HOXC6: variants seen among roughly 807,000 people sequenced by gnomAD.
The protein encoded by HOXC6 is homeobox protein Hox-C6.
Under a neutral mutation model 24.0 loss-of-function variants are expected in HOXC6, and 10 were observed. The observed-to-expected ratio is 0.42, with a 90% CI of 0.26 to 0.71. The LOEUF (loss-of-function observed/expected upper bound fraction) is 0.71. Ranked by LOEUF, HOXC6 falls within the 30% of genes least tolerant of loss-of-function variation. The pLI is 0.28. For synonymous variants in HOXC6, 123 were observed against 128.1 expected, an observed-to-expected ratio of 0.96 and a Z score of 0.27; for missense variants, 258 against 303.4, an observed-to-expected ratio of 0.85 and a Z score of 1.11.
intron 1 of HOXC6, among the ~76,000 whole-genome samples, chr12:54,018,000 G>T (rs112142167): frequency 2.6e-5 from 4 of 152,226 alleles, no homozygotes; most frequent in Non-Finnish European, 5.9e-5. Flanking sequence ...GGCGCAGCTA[G>T]GCGGCCGGCG....
At chr12:54,023,063 C>T (rs1236604601) in intron 1 of HOXC6, among the ~76,000 whole-genome samples, 1 of 152,170 alleles carries the variant, frequency 6.6e-6, no homozygotes, top group South Asian at 2.1e-4. Context: ...CCTCAAGTGT[C>T]CCTAGGCATC....
chr12:54,017,934 C>T (rs1369573220), intron 1 of HOXC6, among the ~76,000 whole-genome samples: 2 of 152,156 alleles, frequency 1.3e-5, no homozygotes, highest in Non-Finnish European at 2.9e-5. Flanking sequence ...AGCGCGACTG[C>T]TAGAGCTCAC....
Position 54,029,684 on chromosome 12 carries a change from G to T in HOXC6, c.430G>T (p.Gly144Cys). Residue 144 changes from glycine (G) to cysteine (C), a missense_variant, in exon 2 of 2, where the codon GGC becomes TGC. Transcript: ENST00000243108. ...GVGYGADRRR[G>C]RQIYSRYQTL... ...CGGCTACGGAGCGGACCGGAGGCGCGGCCGCCAGATCTACTCGCGGTACCA... is the reference window on the plus strand; with the variant it reads ...CGGCTACGGAGCGGACCGGAGGCGCTGCCGCCAGATCTACTCGCGGTACCA... 1 of 1,613,628 alleles carries T rather than the reference G, an allele frequency of 6.2e-7. No homozygotes were observed. The highest frequency in any genetic ancestry group is 1.3e-5 in the African/African-American group (1 of 75,008).
intron 1 of HOXC6, chr12:54,021,869 CAGG>C: frequency 6.6e-6 from 1 of 152,492 alleles, no homozygotes; most frequent in African/African-American, 2.4e-5. Context: ...CGAACTCGCC[CAGG>C]AGAACAAAGT....
chr12:54,023,593 G>A (rs1211493668), upstream of HOXC6, among the ~76,000 whole-genome samples: 1 of 152,122 alleles, frequency 6.6e-6, no homozygotes, highest in Admixed American at 6.5e-5. Context: ...AGCTTAACAT[G>A]CCCAATCTGC....
upstream of HOXC6, among the ~76,000 whole-genome samples, chr12:54,026,964 TG>T (rs71068201): frequency 0.21 from 26,782 of 127,078 alleles, 2,511 homozygotes; most frequent in African/African-American, 0.24. Flanking sequence ...CCAAAAATGG[TG>T]GGGGGGGGGG....
chr12:54,025,213 T>G (rs1940637232), upstream of HOXC6, among the ~76,000 whole-genome samples: 1 of 152,204 alleles, frequency 6.6e-6, no homozygotes, highest in African/African-American at 2.4e-5. Context: ...AACTGCAGTT[T>G]TAATAAAACA....
At chr12:54,026,938 C>CG (rs1009913551), upstream of HOXC6, among the ~76,000 whole-genome samples, 84 of 140,154 alleles carry the variant, frequency 6.0e-4, no homozygotes, top group Non-Finnish European at 1.1e-3. Context: ...GCCAGCTTTC[C>CG]CCCCCCCCAA....
chr12:54,026,675 C>T (rs1260917528), upstream of HOXC6, among the ~76,000 whole-genome samples: 2 of 152,154 alleles, frequency 1.3e-5, no homozygotes, highest in Non-Finnish European at 2.9e-5. Context: ...TCTTCAACCC[C>T]CTAACGAGGT....
At chr12:54,022,385 A>G (rs1565737093) in intron 1 of HOXC6, 1 of 152,172 alleles carries the variant, frequency 6.6e-6, no homozygotes, top group Admixed American at 6.5e-5. Flanking sequence ...TATGTCTCCA[A>G]TCCTGCCAGG....
At chr12:54,024,677 C>T (rs1426856816), upstream of HOXC6, among the ~76,000 whole-genome samples, 1 of 144,958 alleles carries the variant, frequency 6.9e-6, no homozygotes, top group Non-Finnish European at 1.5e-5. Flanking sequence ...CCCACCCTTT[C>T]CCCAGTTCAG....
chr12:54,018,240 C>T (rs1940252774), intron 1 of HOXC6, among the ~76,000 whole-genome samples: 1 of 152,228 alleles, frequency 6.6e-6, no homozygotes, highest in Non-Finnish European at 1.5e-5. Flanking sequence ...CTTCCGGGGT[C>T]CGGCGCCCCT....
intron 1 of HOXC6, among the ~76,000 whole-genome samples, chr12:54,019,190 C>T (rs996260059): frequency 7.0e-6 from 1 of 143,374 alleles, no homozygotes; most frequent in African/African-American, 2.5e-5. Flanking sequence ...CCCCCACCCC[C>T]AGTAGGACTT....
At chr12:54,023,563 GT>G (rs943907824), upstream of HOXC6, among the ~76,000 whole-genome samples, 5 of 152,212 alleles carry the variant, frequency 3.3e-5, no homozygotes, top group African/African-American at 9.6e-5. Flanking sequence ...CCTTGGAGGT[GT>G]TTGGGGGCAG....
At chr12:54,024,572 C>T (rs982142416), upstream of HOXC6, among the ~76,000 whole-genome samples, 1 of 152,172 alleles carries the variant, frequency 6.6e-6, no homozygotes, top group Admixed American at 6.5e-5. Context: ...ATATCCCTCC[C>T]CAGGAAATTA....
At chr12:54,020,621 T>C (rs1333103037) in intron 1 of HOXC6, 2 of 152,194 alleles carry the variant, frequency 1.3e-5, no homozygotes, top group African/African-American at 4.8e-5. Context: ...GGTGGTTAAT[T>C]GTATATTACC....
chr12:54,023,875 T>C (rs867180184), upstream of HOXC6, among the ~76,000 whole-genome samples: 34 of 152,278 alleles, frequency 2.2e-4, no homozygotes, highest in Middle Eastern at 3.4e-3. Context: ...TGCTTTGGTG[T>C]TCCCAAACAG....
chr12:54,020,710 G>C (rs1198367796), intron 1 of HOXC6: 1 of 152,140 alleles, frequency 6.6e-6, no homozygotes, highest in Non-Finnish European at 1.5e-5. Flanking sequence ...TGGGCTCATG[G>C]AGGCACCGGG....
Position 54,029,833 on chromosome 12 carries a change from G to A in HOXC6, c.579G>A (p.Arg193=), listed in dbSNP as rs775505948. 6.2e-7 allele frequency: 1 copy of A among 1,614,048 alleles called. No homozygotes were observed. Among genetic ancestry groups the A allele is most frequent in the Non-Finnish European group, 8.5e-7 (1 of 1,179,978 alleles). The stretch of plus-strand genomic sequence containing the variant: ...TCAAAATCTGGTTCCAGAACCGCCG[G>A]ATGAAGTGGAAAAAAGAATCTAATC... ...RQIKIWFQNR[R]MKWKKESNLT... The change falls in exon 2 of 2, where the codon CGG becomes CGA. Residue 193 remains arginine (R), a synonymous_variant. Transcript: ENST00000243108.
Sources: gnomAD v4.1 joint callset for allele counts (sites outside exome capture counted in the v4.1 genomes callset) on GRCh38, gnomAD v4.1.1 for gene constraint, MANE v1.5 for transcripts, NCBI Gene and HGNC (gene_info 2026-07-23, HGNC 2026-07-21) for gene names.